Variants in SCN10A observed in about 807,000 individuals in gnomAD.
The protein encoded by SCN10A is sodium voltage-gated channel alpha subunit 10.
SCN10A carries 162 observed loss-of-function variants against 170.7 expected under a neutral mutation model. The ratio of observed to expected loss-of-function variants is 0.95; its 90% CI spans 0.84 to 1.08. SCN10A has a LOEUF of 1.08. SCN10A is among the 50% of genes least tolerant of loss of function. SCN10A has a pLI of 0.00. For missense variants in SCN10A, 2,527 were observed against 2,436.9 expected, an observed-to-expected ratio of 1.04 and a Z score of -0.78; for synonymous variants, 985 against 904.6, an observed-to-expected ratio of 1.09 and a Z score of -1.59.
chr3:38,769,299 C>T (rs888433811), intron 5 of SCN10A, among the ~76,000 whole-genome samples: 55 of 127,244 alleles, frequency 4.3e-4, no homozygotes, highest in African/African-American at 1.3e-3. Flanking sequence ...AGTGCAATGG[C>T]GCGATCTCAG....
Position 38,712,260 on chromosome 3 carries a change from A to G in SCN10A, c.3990T>C (p.Ser1330=). The change falls in exon 23 of 28, where the codon TCT becomes TCC. Residue 1330 remains serine (S), a synonymous_variant. Transcript: ENST00000449082. ...LVPLSIVNNK[S]DCKIQNSTGS... is the part of the protein sequence containing the mutation. ...CAGTGGAGTTTTGAATCTTGCAGTC[A>G]GACTTGTTATTCACAATCGACAAAG... 8 of 1,614,256 alleles carry G rather than the reference A, an allele frequency of 5.0e-6. No individual in the cohort carries two copies. The highest frequency in any genetic ancestry group is 6.8e-6 in the Non-Finnish European group (8 of 1,180,038).
At chr3:38,811,743 G>A (rs768158031) in intron 1 of SCN10A, among the ~76,000 whole-genome samples, 1 of 152,188 alleles carries the variant, frequency 6.6e-6, no homozygotes, top group African/African-American at 2.4e-5. Flanking sequence ...AAGAGGCAGA[G>A]CTGGACAACA....
chr3:38,741,659 G>C (rs543469924), intron 14 of SCN10A, among the ~76,000 whole-genome samples: 19 of 152,282 alleles, frequency 1.2e-4, no homozygotes, highest in African/African-American at 4.6e-4. Context: ...ATTGTATCTT[G>C]TTAAGAGTAA....
chr3:38,699,307 A>C (rs1401037860), intron 27 of SCN10A, among the ~76,000 whole-genome samples: 1 of 151,780 alleles, frequency 6.6e-6, no homozygotes, highest in Admixed American at 6.6e-5. Context: ...AACTATGAAC[A>C]AAGTTGGAAA....
At chr3:38,761,594 G>A (rs1234870754) in intron 6 of SCN10A, among the ~76,000 whole-genome samples, 1 of 152,156 alleles carries the variant, frequency 6.6e-6, no homozygotes, top group African/African-American at 2.4e-5. Context: ...TAAAGACGAT[G>A]CAACTGAGAC....
In SCN10A at chr3:38,794,026, C is replaced by T; in HGVS notation, c.-16G>A. ...GGAATTCCATCTTCTCATTCTTCTT[C>T]AGGAAGTATTTATACTCTTATAAGA... On this transcript the variant is annotated 5_prime_UTR_variant, in exon 2 of 28. Transcript: ENST00000449082. 1 of 1,612,302 alleles carries T rather than the reference C, an allele frequency of 6.2e-7. No homozygotes were observed. Among genetic ancestry groups the T allele is most frequent in the Non-Finnish European group, 8.5e-7 (1 of 1,178,830 alleles).
chr3:38,776,433 T>A (rs894119036), intron 4 of SCN10A, among the ~76,000 whole-genome samples: 1 of 152,092 alleles, frequency 6.6e-6, no homozygotes, highest in East Asian at 1.9e-4. Flanking sequence ...ACAGTAATAA[T>A]GGCAAATGCA....
chr3:38,775,842 A>G (rs146474062), intron 4 of SCN10A, among the ~76,000 whole-genome samples: 42 of 152,216 alleles, frequency 2.8e-4, no homozygotes, highest in African/African-American at 1.0e-3. Flanking sequence ...AATATTTGTA[A>G]TTGATTTGGA....
At chr3:38,815,446 G>A (rs2064468603) in intron 1 of SCN10A, among the ~76,000 whole-genome samples, 1 of 152,206 alleles carries the variant, frequency 6.6e-6, no homozygotes, top group South Asian at 2.1e-4. Context: ...TTTCTAAAAA[G>A]TTCTCCACTT....
At chr3:38,764,737 G>T (rs2063912583) in intron 5 of SCN10A, among the ~76,000 whole-genome samples, 1 of 152,122 alleles carries the variant, frequency 6.6e-6, no homozygotes, top group Non-Finnish European at 1.5e-5. Flanking sequence ...ACCCAGTAGT[G>T]GGATTGCTGG....
Position 38,755,603 on chromosome 3 carries a change from C to T in SCN10A, c.1461+185G>A, listed in dbSNP as rs1180438150. On this transcript the variant is annotated intron_variant, in intron 11 of 27. Transcript: ENST00000449082. ...TTCCCTAAGGTGTCCTTATAATTCA[C>T]CCCTTTTCCCCATCTATAATTACAC... is the stretch of plus-strand genomic sequence containing the variant. Among the ~76,000 whole-genome samples, 4 of 152,174 alleles carry T rather than the reference C, an allele frequency of 2.6e-5. No individual in the cohort carries two copies. In the East Asian group the frequency reaches 5.8e-4, roughly 22 times the overall value.
chr3:38,761,174 G>A lies in SCN10A; in HGVS notation c.883+18C>T. On this transcript the variant is annotated intron_variant, in intron 7 of 27. Coordinates refer to ENST00000449082, the MANE Select transcript of SCN10A (RefSeq NM_006514.4). ...GGTCCAACCAGACCTTGGTCCCTAT[G>A]GAAGAGACTCCACTCACGTTTTCTG... 1 of 1,572,972 alleles carries A rather than the reference G, an allele frequency of 6.4e-7. No individual in the cohort carries two copies. Among genetic ancestry groups the A allele is most frequent in the Non-Finnish European group, 8.7e-7 (1 of 1,149,582 alleles).
At chr3:38,740,114 C>T (rs552697972) in intron 14 of SCN10A, among the ~76,000 whole-genome samples, 1 of 152,294 alleles carries the variant, frequency 6.6e-6, no homozygotes, top group South Asian at 2.1e-4. Flanking sequence ...CTTCCTGTAC[C>T]TCAATTTCCT....
At chr3:38,806,034 G>A (rs1559473086) in intron 1 of SCN10A, among the ~76,000 whole-genome samples, 1 of 152,158 alleles carries the variant, frequency 6.6e-6, no homozygotes, top group Non-Finnish European at 1.5e-5. Context: ...GAAGGAATGG[G>A]TGAGAGCTGA....
Position 38,727,017 on chromosome 3 carries a change from A to G in SCN10A, c.2676T>C (p.Ser892=), listed in dbSNP as rs558638155. 3.1e-6 allele frequency: 5 copies of G among 1,613,614 alleles called. No individual in the cohort carries two copies. In the African/African-American group the frequency reaches 4.0e-5, roughly 13 times the overall value. Residue 892 remains serine, a synonymous_variant, in exon 17 of 28, where the codon TCT becomes TCC. Transcript: ENST00000449082. ...LNLFIALLLN[S]FSADNLTAPE... The stretch of plus-strand genomic sequence containing the variant: ...GGGCTGTGAGGTTGTCAGCACTGAA[A>G]GAGTTCAATAGCAGGGCGATGAACA...
chr3:38,720,224 AT>A, intron 20 of SCN10A, among the ~76,000 whole-genome samples: 1 of 152,356 alleles, frequency 6.6e-6, no homozygotes, highest in Non-Finnish European at 1.5e-5. Context: ...GGAATATTCA[AT>A]GTGTATTAGA....
rs1391894073 is a variant in SCN10A, at chr3:38,698,170, T to C, written c.5050A>G (p.Asn1684Asp). ...GPPYCDPNLP[N>D]SNGTRGDCGS... is the part of the protein sequence containing the mutation. Reference sequence around the variant, plus strand: ...CAGTCCCCTCTGGTGCCATTGCTGTTGGGCAGATTGGGGTCACAGTAGGGG... The same window carrying C: ...CAGTCCCCTCTGGTGCCATTGCTGTCGGGCAGATTGGGGTCACAGTAGGGG... Residue 1684 changes from asparagine to aspartate, a missense_variant, in exon 28 of 28, where the codon AAC becomes GAC. Coordinates refer to ENST00000449082, the MANE Select transcript of SCN10A (RefSeq NM_006514.4). The C allele has an allele frequency of 1.2e-6, 2 of 1,613,992 alleles. No individual in the cohort carries two copies. The highest frequency in any genetic ancestry group is 1.7e-6 in the Non-Finnish European group (2 of 1,180,018).
chr3:38,779,382 G>C (rs2064112101), intron 4 of SCN10A, among the ~76,000 whole-genome samples: 2 of 151,970 alleles, frequency 1.3e-5, no homozygotes, highest in African/African-American at 4.8e-5. Flanking sequence ...TTCTAATCCA[G>C]TCACATGAGA....
intron 27 of SCN10A, among the ~76,000 whole-genome samples, chr3:38,700,599 T>C (rs1297227626): frequency 1.3e-5 from 2 of 152,268 alleles, no homozygotes; most frequent in Admixed American, 1.3e-4. Flanking sequence ...TACATGTGGA[T>C]CATACCTCAA....
Sources: gnomAD v4.1 joint callset for allele counts (sites outside exome capture counted in the v4.1 genomes callset) on GRCh38, gnomAD v4.1.1 for gene constraint, MANE v1.5 for transcripts, NCBI Gene and HGNC (gene_info 2026-07-23, HGNC 2026-07-21) for gene names.